Variants in AKAP13 observed in about 807,000 individuals in gnomAD.
AKAP13 encodes the protein A-kinase anchor protein 13.
In AKAP13, 80 loss-of-function variants were observed where a neutral mutation model predicts 264.5. The observed-to-expected ratio is 0.30, with a 90% CI of 0.25 to 0.36. The LOEUF (loss-of-function observed/expected upper bound fraction) is 0.36. Among genes scored for constraint, AKAP13 ranks in the 10% least tolerant of loss-of-function variants. AKAP13 has a pLI of 1.00. For missense variants in AKAP13, 3,712 were observed against 3,435.2 expected (o/e 1.08, Z -2.01); for synonymous variants, 1,380 against 1,250.2 (o/e 1.10, Z -2.19).
At chr15:85,441,898 G>A (rs900210618) in intron 1 of AKAP13, among the ~76,000 whole-genome samples, 2 of 152,110 alleles carry the variant, frequency 1.3e-5, no homozygotes, top group African/African-American at 2.4e-5. Context: ...TGGCCTTATT[G>A]TAGGGAGCTT....
intron 5 of AKAP13, among the ~76,000 whole-genome samples, chr15:85,550,881 T>TG (rs2077939518): frequency 6.6e-6 from 1 of 152,190 alleles, no homozygotes; most frequent in African/African-American, 2.4e-5. Flanking sequence ...AACTAGAGAA[T>TG]GGGGGAGGAG....
In AKAP13 at chr15:85,744,811, G is replaced by C. The variant is rs1444004994; in HGVS notation, c.*134G>C. ...CGTCCAGTCCTCCTGGGCGGCCCCA[G>C]GTCCTGGACAATAAGCAACAGATGA... On this transcript the variant is annotated 3_prime_UTR_variant, in exon 37 of 37. Transcript: ENST00000394518. The C allele has an allele frequency of 5.4e-6, 4 of 743,932 alleles. No individual in the cohort carries two copies. The highest frequency in any genetic ancestry group is 1.9e-5 in the South Asian group (1 of 53,658). The allele number at this position is 743,932 out of a possible 1,614,324, so 46.1% of individuals were successfully genotyped here.
At chr15:85,646,296 G>A (rs1024828735) in intron 10 of AKAP13, among the ~76,000 whole-genome samples, 1 of 152,282 alleles carries the variant, frequency 6.6e-6, no homozygotes, top group African/African-American at 2.4e-5. Context: ...CCAACATGGT[G>A]AAACCCCATC....
rs1478409064 is a variant in AKAP13 at position 85,630,210 on chromosome 15, T to C, written c.4162-9164T>C. Among the ~76,000 whole-genome samples the C allele has an allele frequency of 2.4e-3, 29 of 11,940 alleles. 1 individual carries two copies. The highest frequency in any genetic ancestry group is 6.1e-3 in the Admixed American group (7 of 1,154). 7.8% of individuals were successfully genotyped at this position (11,940 alleles called of 152,430 possible). ...ACACACACACACACACACACACACATCATGAACTAAGATGGAAAATTGTAA... is the reference window on the plus strand; with the variant it reads ...ACACACACACACACACACACACACACCATGAACTAAGATGGAAAATTGTAA... On this transcript the variant is annotated intron_variant, in intron 8 of 36. Transcript: ENST00000394518.
intron 2 of AKAP13, among the ~76,000 whole-genome samples, chr15:85,487,206 G>T (rs1317465036): frequency 2.0e-5 from 3 of 152,206 alleles, no homozygotes; most frequent in African/African-American, 4.8e-5. Flanking sequence ...AGGATCAAGT[G>T]ATCAGAGATC....
At chr15:85,572,058 A>G (rs1026246510) in intron 5 of AKAP13, among the ~76,000 whole-genome samples, 1 of 152,202 alleles carries the variant, frequency 6.6e-6, no homozygotes, top group African/African-American at 2.4e-5. Flanking sequence ...AGGTTTAGAT[A>G]TTAGAAATGG....
chr15:85,418,029 T>C (rs2072322550), intron 1 of AKAP13, among the ~76,000 whole-genome samples: 1 of 150,234 alleles, frequency 6.7e-6, no homozygotes, highest in South Asian at 2.1e-4. Flanking sequence ...TTACATTCTT[T>C]TTGTACCATC....
Position 85,579,901 on chromosome 15 carries a change from AGG to A in AKAP13, c.1834_1835del (p.Gly612Ter). On this transcript the variant is annotated frameshift_variant, in exon 7 of 37. Transcript: ENST00000394518. LOFTEE classifies it high-confidence loss of function. ...EPYTLLAAGI[G>X]EAMSPSDLAL... ...CTTATACTCTCTTAGCAGCAGGCAT[AGG>A]TGAGGCAATGTCACCCTCAGATTTA... The A allele has an allele frequency of 1.9e-6, 3 of 1,614,250 alleles. No homozygotes were observed. The highest frequency in any genetic ancestry group is 3.3e-4 in the Middle Eastern group (2 of 6,062).
In AKAP13 at chr15:85,745,617, T is replaced by A. The variant is rs2089347581; in HGVS notation, c.*940T>A. The A allele has an allele frequency of 6.6e-6, 1 of 152,220 alleles. No homozygotes were observed. The highest frequency in any genetic ancestry group is 2.1e-4 in the South Asian group (1 of 4,832). 9.4% of individuals were successfully genotyped at this position (152,220 alleles called of 1,614,324 possible). ...TCCTGGCTGTGTTCCTGAGCCCCCGTCGTGCCTCTCCCAGACAGCAGCTGT... is the reference window on the plus strand; with the variant it reads ...TCCTGGCTGTGTTCCTGAGCCCCCGACGTGCCTCTCCCAGACAGCAGCTGT... On this transcript the variant is annotated 3_prime_UTR_variant, in exon 37 of 37. Transcript: ENST00000394518.
In AKAP13 at chr15:85,719,201, G is replaced by A. The variant is rs200241302; in HGVS notation, c.6127G>A (p.Asp2043Asn). ...QMVEKLFPCL[D>N]ELISIHSQFF... The stretch of plus-strand genomic sequence containing the variant: ...GGTAGAAAAGCTGTTCCCCTGTTTG[G>A]ATGAGCTGATCAGTATCCATAGCCA... The change falls in exon 23 of 37, where the codon GAT becomes AAT. Residue 2043 changes from aspartate to asparagine, a missense_variant. Asp to Asn is a conservative substitution (Grantham distance 23). Around this residue, in one of 3 missense-constraint regions of AKAP13, gnomAD observed 342 missense variants for 484.3 expected, o/e 0.71. Coordinates refer to ENST00000394518, the MANE Select transcript of AKAP13 (RefSeq NM_007200.5). 469 of 1,614,190 alleles carry A rather than the reference G, an allele frequency of 2.9e-4. 1 individual carries two copies. Among genetic ancestry groups the A allele is most frequent in the Middle Eastern group, 2.6e-3 (16 of 6,062 alleles).
intron 5 of AKAP13, among the ~76,000 whole-genome samples, chr15:85,559,300 T>A (rs1247130746): frequency 6.6e-6 from 1 of 152,168 alleles, no homozygotes; most frequent in Non-Finnish European, 1.5e-5. Context: ...AGTTTGTGTA[T>A]AAATACAAAT....
At chr15:85,459,860 T>C (rs1175431113) in intron 1 of AKAP13, among the ~76,000 whole-genome samples, 1 of 152,196 alleles carries the variant, frequency 6.6e-6, no homozygotes, top group Non-Finnish European at 1.5e-5. Context: ...CTTTCTAGAC[T>C]CCTACTTAGT....
intron 1 of AKAP13, among the ~76,000 whole-genome samples, chr15:85,483,640 A>AAAAACAAC (rs1567080805): frequency 6.8e-6 from 1 of 147,168 alleles, no homozygotes; most frequent in African/African-American, 2.5e-5. Context: ...CTCAAAAAAA[A>AAAAACAAC]AAAAAAAAAA....
chr15:85,706,637 G>A (rs1352036773), intron 17 of AKAP13, among the ~76,000 whole-genome samples: 7 of 152,182 alleles, frequency 4.6e-5, no homozygotes, highest in Admixed American at 2.0e-4. Context: ...CTGTGTCAGC[G>A]CATTCATCTA....
Position 85,410,185 on chromosome 15 carries a change from A to G in AKAP13, c.-12+29387A>G, listed in dbSNP as rs1190656438. Among the ~76,000 whole-genome samples the G allele has an allele frequency of 4.1e-5, 6 of 147,510 alleles. No homozygotes were observed. The South Asian group carries it at 1.0e-3, about 26-fold the overall frequency. ...TTTTTCATGGCCCTCAGGTGTGGTT[A>G]TTAGAATAAGCATCATGACCATGAC... On this transcript the variant is annotated intron_variant, in intron 1 of 36. Transcript: ENST00000394518.
At chr15:85,418,187 T>G (rs1352859465) in intron 1 of AKAP13, among the ~76,000 whole-genome samples, 1 of 151,890 alleles carries the variant, frequency 6.6e-6, no homozygotes, top group African/African-American at 2.4e-5. Flanking sequence ...GGGACCCTCC[T>G]GCCTCAGCCT....
At chr15:85,458,400 T>TG (rs1264613195) in intron 1 of AKAP13, among the ~76,000 whole-genome samples, 2 of 148,354 alleles carry the variant, frequency 1.3e-5, no homozygotes, top group East Asian at 1.9e-4. Flanking sequence ...TTTGTTTTTT[T>TG]TTTTTTTTAC....
At chr15:85,566,795 T>G (rs760703917) in intron 5 of AKAP13, among the ~76,000 whole-genome samples, 13 of 151,756 alleles carry the variant, frequency 8.6e-5, no homozygotes, top group Non-Finnish European at 1.9e-4. Flanking sequence ...CCCGGCTAAT[T>G]TTTTATATTT....
rs55994240 is a variant in AKAP13 at position 85,686,191 on chromosome 15, A to ATGTGTGTG, written c.5289+1327_5289+1334dup. ...TATGTGTGTGTGTGCACGTGCATGC[A>ATGTGTGTG]TGTGTGTGTGTGTGTGGTATATACA... On this transcript the variant is annotated intron_variant, in intron 16 of 36. Transcript: ENST00000394518. 1.5e-3 allele frequency among the ~76,000 whole-genome samples: 231 copies of ATGTGTGTG among 151,462 alleles called. 1 individual carries two copies. Among genetic ancestry groups the ATGTGTGTG allele is most frequent in the East Asian group, 0.011 (59 of 5,160 alleles).
Sources: allele counts gnomAD v4.1 joint callset (sites outside exome capture counted in the v4.1 genomes callset), GRCh38; gene constraint gnomAD v4.1.1; regional missense constraint gnomAD v4.1.1; transcripts MANE v1.5; gene names NCBI Gene and HGNC (gene_info 2026-07-23, HGNC 2026-07-21).